Variants in SAMD4A observed in about 807,000 individuals in gnomAD.
SAMD4A encodes the protein sterile alpha motif domain containing 4A, also known as protein Smaug homolog 1.
A neutral mutation model predicts 81.3 loss-of-function variants in SAMD4A; 33 were observed. That is an observed-to-expected ratio of 0.41 (90% CI 0.31 to 0.54). The LOEUF (loss-of-function observed/expected upper bound fraction) is 0.54, where lower values mean the gene tolerates loss of function less well. Ranked by LOEUF, SAMD4A falls within the 20% of genes least tolerant of loss-of-function variation. The pLI is 0.37. For synonymous variants in SAMD4A, 389 were observed against 382.1 expected (o/e 1.02, Z -0.21); for missense variants, 854 against 951.1 (o/e 0.90, Z 1.34).
chr14:54,781,121 A>G (rs1372717727), intron 11 of SAMD4A, among the ~76,000 whole-genome samples: 1 of 152,180 alleles, frequency 6.6e-6, no homozygotes, highest in African/African-American at 2.4e-5. Context: ...CTTTCTAGTT[A>G]TCCAACAGAG....
intron 2 of SAMD4A, among the ~76,000 whole-genome samples, chr14:54,659,460 G>C (rs1007629049): frequency 6.6e-6 from 1 of 152,140 alleles, no homozygotes; most frequent in Non-Finnish European, 1.5e-5. Context: ...TGGTTTCGCA[G>C]TGTGGGTTTT....
intron 10 of SAMD4A, 127 bp downstream of exon 10, chr14:54,775,262 A>G: frequency 1.0e-6 from 1 of 989,810 alleles, no homozygotes; most frequent in East Asian, 2.5e-5. Flanking sequence ...AGTTGCCACC[A>G]TTCCTCAGAG....
intron 4 of SAMD4A, among the ~76,000 whole-genome samples, chr14:54,745,559 G>A (rs1397474380): frequency 3.3e-5 from 5 of 152,152 alleles, no homozygotes; most frequent in Non-Finnish European, 7.3e-5. Context: ...TTTTGTATAA[G>A]TCAGCCATTC....
In SAMD4A at chr14:54,737,126, A is replaced by T. The variant is rs1346159607; in HGVS notation, c.818A>T (p.His273Leu). 2 of 1,614,050 alleles carry T rather than the reference A, an allele frequency of 1.2e-6. No homozygotes were observed. Among genetic ancestry groups the T allele is most frequent in the South Asian group, 2.2e-5 (2 of 91,068 alleles). ...NQPLGHGWMSHEDLRARGPQC... is the reference protein window; with the variant it reads ...NQPLGHGWMSLEDLRARGPQC... ...CCTCTAGGACATGGATGGATGTCTC[A>T]TGAGGACTTACGAGCTAGAGGACCC... The change falls in exon 4 of 13, where the codon CAT becomes CTT. Residue 273 changes from histidine (H) to leucine (L), a missense_variant. His to Leu is a moderately conservative substitution (Grantham distance 99). Transcript: ENST00000554335.
intron 2 of SAMD4A, among the ~76,000 whole-genome samples, chr14:54,598,964 G>A (rs1340273651): frequency 6.6e-6 from 1 of 152,012 alleles, no homozygotes; most frequent in Non-Finnish European, 1.5e-5. Flanking sequence ...GGGATTACAG[G>A]CATGTACCAC....
chr14:54,580,059 A>G (rs114271401), intron 2 of SAMD4A, among the ~76,000 whole-genome samples: 2,348 of 152,350 alleles, frequency 0.015, 59 homozygotes, highest in African/African-American at 0.053. Flanking sequence ...TTAAGGAAGT[A>G]GAAGAGACCT....
intron 2 of SAMD4A, among the ~76,000 whole-genome samples, chr14:54,688,607 A>G (rs2036344009): frequency 6.6e-6 from 1 of 152,324 alleles, no homozygotes; most frequent in African/African-American, 2.4e-5. Flanking sequence ...TATGAATAGA[A>G]AACTTGAGAG....
chr14:54,704,348 C>G (rs757504290), intron 3 of SAMD4A, among the ~76,000 whole-genome samples: 1 of 152,196 alleles, frequency 6.6e-6, no homozygotes, highest in Non-Finnish European at 1.5e-5. Flanking sequence ...GATGCAAACT[C>G]TAAGCTGCCT....
chr14:54,588,510 T>G (rs1249041104), intron 2 of SAMD4A, among the ~76,000 whole-genome samples: 2 of 152,146 alleles, frequency 1.3e-5, no homozygotes, highest in South Asian at 4.1e-4. Flanking sequence ...GACTTTTTGA[T>G]GTAGGCATTT....
chr14:54,716,221 G>A (rs951907505), intron 3 of SAMD4A, among the ~76,000 whole-genome samples: 1 of 152,070 alleles, frequency 6.6e-6, no homozygotes, highest in African/African-American at 2.4e-5. Flanking sequence ...ACCCATTTTC[G>A]GTTAAAAAAC....
At chr14:54,709,639 C>T (rs1454905933) in intron 3 of SAMD4A, among the ~76,000 whole-genome samples, 1 of 152,082 alleles carries the variant, frequency 6.6e-6, no homozygotes, top group African/African-American at 2.4e-5. Context: ...CAAGGGTATG[C>T]TGACTAAGAA....
rs1238889976 is a variant in SAMD4A at position 54,737,065 on chromosome 14, G to A, written c.757G>A (p.Val253Met). ...ACACCACAGCCCTTTGAAACGATCT[G>A]TGTCCCTTACCCCACCCATGAATGT... ...QAHHSPLKRS[V>M]SLTPPMNVPN... The change falls in exon 4 of 13, where the codon GTG becomes ATG. Residue 253 changes from valine (V) to methionine (M), a missense_variant. This residue lies in a region of SAMD4A where 387 missense variants were observed against 405.8 expected (regional missense o/e 0.95). Coordinates refer to ENST00000554335, the MANE Select transcript of SAMD4A (RefSeq NM_015589.6). The A allele has an allele frequency of 1.2e-6, 2 of 1,613,932 alleles. No homozygotes were observed. Among genetic ancestry groups the A allele is most frequent in the Non-Finnish European group, 1.7e-6 (2 of 1,179,992 alleles).
chr14:54,778,146 C>CTCAAGGCCTTCTTGATTT (rs1437142239), intron 11 of SAMD4A, among the ~76,000 whole-genome samples: 1 of 152,222 alleles, frequency 6.6e-6, no homozygotes, highest in Non-Finnish European at 1.5e-5. Flanking sequence ...TGTATACCTT[C>CTCAAGGCCTTCTTGATTT]TCAAGGCCTT....
intron 2 of SAMD4A, chr14:54,682,123 G>A: frequency 4.3e-6 from 4 of 929,836 alleles, no homozygotes; most frequent in Non-Finnish European, 5.1e-6. Flanking sequence ...ACAATGTTTG[G>A]GGTTGTGGCC....
At chr14:54,755,875 G>A (rs2038225970) in intron 6 of SAMD4A, among the ~76,000 whole-genome samples, 1 of 152,168 alleles carries the variant, frequency 6.6e-6, no homozygotes, top group South Asian at 2.1e-4. Flanking sequence ...CTCTCAAACT[G>A]TGAAACTAAG....
At chr14:54,691,081 G>T (rs1413735376) in intron 2 of SAMD4A, among the ~76,000 whole-genome samples, 1 of 152,212 alleles carries the variant, frequency 6.6e-6, no homozygotes, top group East Asian at 1.9e-4. Context: ...GCACTGGGCT[G>T]TGTGGGTCTG....
At position 54,789,133 on chromosome 14, in the gene SAMD4A, G is replaced by T; in HGVS notation, c.*189G>T. On this transcript the variant is annotated 3_prime_UTR_variant, in exon 13 of 13. Coordinates refer to ENST00000554335, the MANE Select transcript of SAMD4A (RefSeq NM_015589.6). Reference sequence around the variant, plus strand: ...AAACATATCAGTAGACCTGGGGTTGGTTATTTTGTCATTTGTTTCTGTCAT... The same window carrying T: ...AAACATATCAGTAGACCTGGGGTTGTTTATTTTGTCATTTGTTTCTGTCAT... The T allele has an allele frequency of 8.4e-6, 4 of 473,842 alleles. No individual in the cohort carries two copies. Among genetic ancestry groups the T allele is most frequent in the Admixed American group, 2.8e-5 (1 of 36,040 alleles). 29.4% of individuals were successfully genotyped at this position (473,842 alleles called of 1,614,324 possible).
At chr14:54,641,149 G>A (rs1276962245) in intron 2 of SAMD4A, among the ~76,000 whole-genome samples, 1 of 152,128 alleles carries the variant, frequency 6.6e-6, no homozygotes, top group Non-Finnish European at 1.5e-5. Flanking sequence ...GCTTTAACTT[G>A]TTTTCTCATC....
At chr14:54,682,535 T>C (rs75807044) in intron 2 of SAMD4A, among the ~76,000 whole-genome samples, 7,399 of 152,308 alleles carry the variant, frequency 0.049, 213 homozygotes, top group Middle Eastern at 0.075. Context: ...CTGATAACCC[T>C]GTTGATAATA....
Sources: gnomAD v4.1 joint callset for allele counts (sites outside exome capture counted in the v4.1 genomes callset) on GRCh38, gnomAD v4.1.1 for gene constraint, gnomAD v4.1.1 regional missense constraint, MANE v1.5 for transcripts, NCBI Gene and HGNC (gene_info 2026-07-23, HGNC 2026-07-21) for gene names.